The following RP1 variants were observed in gnomAD, a reference collection of about 807,000 sequenced individuals.
The protein encoded by RP1 is oxygen-regulated protein 1.
In RP1, 16 loss-of-function variants were observed where a neutral mutation model predicts 14.8. The ratio of observed to expected loss-of-function variants is 1.08; its 90% CI spans 0.73 to 1.65. RP1 has a LOEUF of 1.65. RP1 is among the 40% of genes most tolerant of loss of function. RP1 has a pLI of 0.00. For synonymous variants in RP1, 876 were observed against 883.6 expected (o/e 0.99, Z 0.15); for missense variants, 2,631 against 2,535.0 (o/e 1.04, Z -0.81).
At chr8:54,869,147 A>T (rs922772450) in intron 28 of RP1, among the ~76,000 whole-genome samples, 1 of 152,130 alleles carries the variant, frequency 6.6e-6, no homozygotes, top group Non-Finnish European at 1.5e-5. Flanking sequence ...AAGATAGTAA[A>T]TTTTTTGCCT....
At chr8:54,716,136 G>A (rs531694601) in intron 15 of RP1, among the ~76,000 whole-genome samples, 4 of 152,210 alleles carry the variant, frequency 2.6e-5, no homozygotes, top group South Asian at 2.1e-4. Context: ...ATTGAGAACC[G>A]GAAGTTTGGA....
At chr8:54,714,377 T>C (rs1452402595) in intron 15 of RP1, among the ~76,000 whole-genome samples, 1 of 152,204 alleles carries the variant, frequency 6.6e-6, no homozygotes, top group African/African-American at 2.4e-5. Flanking sequence ...ACTCCAGACC[T>C]TTCCAATTGT....
chr8:54,771,979 T>G (rs1032615796), downstream of RP1, among the ~76,000 whole-genome samples: 2 of 152,070 alleles, frequency 1.3e-5, no homozygotes, highest in African/African-American at 4.8e-5. Context: ...AAATGCTATT[T>G]AAATTTAAAG....
intron 24 of RP1, among the ~76,000 whole-genome samples, chr8:54,787,830 T>C (rs1810360990): frequency 1.3e-5 from 2 of 152,176 alleles, no homozygotes; most frequent in African/African-American, 4.8e-5. Context: ...GTAAAAACAA[T>C]TTATATCACC....
At chr8:54,703,947 T>G (rs1156933206) in intron 14 of RP1, among the ~76,000 whole-genome samples, 1 of 152,218 alleles carries the variant, frequency 6.6e-6, no homozygotes, top group Non-Finnish European at 1.5e-5. Flanking sequence ...TGTAGAGAGT[T>G]AGGGCCTTGC....
chr8:54,600,738 C>A (rs144966353), intron 1 of RP1, among the ~76,000 whole-genome samples: 1 of 152,252 alleles, frequency 6.6e-6, no homozygotes, highest in African/African-American at 2.4e-5. Context: ...GCAGGTATTG[C>A]CTAAATGTTT....
chr8:54,673,447 C>A (rs576261725), intron 7 of RP1, among the ~76,000 whole-genome samples: 29 of 152,146 alleles, frequency 1.9e-4, no homozygotes, highest in Non-Finnish European at 3.4e-4. Flanking sequence ...TTTTTACAAT[C>A]AATTTTTACT....
intron 5 of RP1, among the ~76,000 whole-genome samples, chr8:54,653,861 T>A (rs1806704178): frequency 6.6e-6 from 1 of 152,180 alleles, no homozygotes; most frequent in Non-Finnish European, 1.5e-5. Context: ...TTTTCTTCCC[T>A]CTCAGTAAGG....
At position 54,626,888 on chromosome 8, in the gene RP1, A is replaced by C; in HGVS notation, c.3006A>C (p.Glu1002Asp). The C allele has an allele frequency of 1.2e-6, 2 of 1,613,892 alleles. No homozygotes were observed. Among genetic ancestry groups the C allele is most frequent in the South Asian group, 2.2e-5 (2 of 91,084 alleles). Residue 1002 changes from glutamate to aspartate, a missense_variant, in exon 4 of 4, where the codon GAA becomes GAC. Physicochemically the swap from Glu to Asp is conservative, Grantham distance 45. Coordinates refer to ENST00000220676, the MANE Select transcript of RP1 (RefSeq NM_006269.2). ...TTATTGCCAATGACACTGGTGAAGA[A>C]GATCTCCATGAGACACAGGTTGGAT... ...KSFIANDTGE[E>D]DLHETQVGSL...
intron 1 of RP1, among the ~76,000 whole-genome samples, chr8:54,604,574 T>C (rs901588169): frequency 3.1e-4 from 47 of 152,220 alleles, no homozygotes; most frequent in African/African-American, 4.8e-4. Flanking sequence ...GGGAGGATTC[T>C]CTCTTTTTCT....
At chr8:54,680,205 T>C (rs1338877726) in intron 12 of RP1, among the ~76,000 whole-genome samples, 2 of 152,142 alleles carry the variant, frequency 1.3e-5, no homozygotes, top group East Asian at 3.8e-4. Context: ...TGTTAAATAA[T>C]TTGAGGGCCA....
intron 24 of RP1, among the ~76,000 whole-genome samples, chr8:54,785,001 A>G (rs1241436494): frequency 6.6e-6 from 1 of 152,090 alleles, no homozygotes; most frequent in East Asian, 1.9e-4. Context: ...ATGCTCCAAT[A>G]CATACATATA....
At chr8:54,760,747 C>T (rs1409783278) in intron 22 of RP1, among the ~76,000 whole-genome samples, 5 of 152,156 alleles carry the variant, frequency 3.3e-5, no homozygotes, top group South Asian at 2.1e-4. Flanking sequence ...TTTTGTCCCT[C>T]GGAGTGCTAG....
intron 1 of RP1, among the ~76,000 whole-genome samples, chr8:54,599,597 G>T (rs1805228002): frequency 6.6e-6 from 1 of 151,912 alleles, no homozygotes; most frequent in Admixed American, 6.6e-5. Context: ...TAGGCTACAG[G>T]TGCACATCAC....
At chr8:54,573,266 G>A (rs11776950) in intron 1 of RP1, among the ~76,000 whole-genome samples, 30,591 of 152,068 alleles carry the variant, frequency 0.2, 3,536 homozygotes, top group East Asian at 0.36. Context: ...TTTCCATTTG[G>A]TCTTTCCAAA....
In RP1 at chr8:54,627,137, C is replaced by A. The variant is rs145907351; in HGVS notation, c.3255C>A (p.Val1085=). Residue 1085 remains valine, a synonymous_variant, in exon 4 of 4, where the codon GTC becomes GTA. Transcript: ENST00000220676. ...AAACTCCAAAAGACCTCTTACCAGT[C>A]CTGATGCTTCACCAATTGCAAGCTT... ...EEETPKDLLP[V]LMLHQLQASV... 3.1e-6 allele frequency: 5 copies of A among 1,614,036 alleles called. No individual in the cohort carries two copies. The highest frequency in any genetic ancestry group is 4.2e-6 in the Non-Finnish European group (5 of 1,179,974).
chr8:54,595,378 C>A (rs987656827), intron 1 of RP1, among the ~76,000 whole-genome samples: 2 of 152,208 alleles, frequency 1.3e-5, no homozygotes, highest in African/African-American at 4.8e-5. Flanking sequence ...ATCCGCCCGC[C>A]TCAGCCTCCC....
intron 1 of RP1, among the ~76,000 whole-genome samples, chr8:54,572,436 T>C (rs1804543433): frequency 6.6e-6 from 1 of 152,210 alleles, no homozygotes; most frequent in African/African-American, 2.4e-5. Flanking sequence ...GAGCACATAT[T>C]AGCTGTGTGG....
chr8:54,849,389 C>T (rs962725255), intron 25 of RP1, among the ~76,000 whole-genome samples: 7 of 151,870 alleles, frequency 4.6e-5, no homozygotes, highest in African/African-American at 1.5e-4. Context: ...TTTGCACATC[C>T]CTCTCCTAAA....
Sources: allele counts gnomAD v4.1 joint callset (sites outside exome capture counted in the v4.1 genomes callset), GRCh38; gene constraint gnomAD v4.1.1; transcripts MANE v1.5; gene names NCBI Gene and HGNC (gene_info 2026-07-23, HGNC 2026-07-21).